The following NCOA2 variants were observed in gnomAD, a reference collection of about 807,000 sequenced individuals.
NCOA2 encodes nuclear receptor coactivator 2, also known as class E basic helix-loop-helix protein 75.
NCOA2 carries 21 observed loss-of-function variants against 145.1 expected under a neutral mutation model. The ratio of observed to expected loss-of-function variants is 0.14; its 90% CI spans 0.10 to 0.21. NCOA2 has a LOEUF of 0.21. Among genes scored for constraint, NCOA2 ranks in the 10% least tolerant of loss-of-function variants. NCOA2 has a pLI of 1.00. For missense variants in NCOA2, 1,472 were observed against 1,837.6 expected, an observed-to-expected ratio of 0.80 and a Z score of 3.64; for synonymous variants, 619 against 637.5, an observed-to-expected ratio of 0.97 and a Z score of 0.44.
intron 1 of NCOA2, among the ~76,000 whole-genome samples, chr8:70,323,093 A>T (rs1267598988): frequency 6.6e-6 from 1 of 152,216 alleles, no homozygotes; most frequent in Non-Finnish European, 1.5e-5. Flanking sequence ...ACGAATACGT[A>T]AACTACTCTG....
At position 70,402,879 on chromosome 8, in the gene NCOA2, G is replaced by A. The variant is rs545897988; in HGVS notation, c.-77+821C>T. 1.1e-3 allele frequency among the ~76,000 whole-genome samples: 147 copies of A among 139,242 alleles called. 1 individual carries two copies. In the East Asian group the frequency reaches 0.02, roughly 19 times the overall value. 91.3% of individuals were successfully genotyped at this position (139,242 alleles called of 152,430 possible). ...CGGCGCCGCCGGGGCCCGGCCCCCG[G>A]CTCCCCGCCCCCACCACGGCCCGGC... is the stretch of plus-strand genomic sequence containing the variant. On this transcript the variant is annotated intron_variant, in intron 1 of 22. Transcript: ENST00000452400.
chr8:70,319,952 G>GA (rs1805912956), intron 1 of NCOA2, among the ~76,000 whole-genome samples: 1 of 152,116 alleles, frequency 6.6e-6, no homozygotes, highest in East Asian at 1.9e-4. Context: ...TTAACTGTCC[G>GA]ATTTGTCAAA....
chr8:70,141,495 T>G, intron 13 of NCOA2, 96 bp from the exon 14 acceptor site: 2 of 1,156,854 alleles, frequency 1.7e-6, no homozygotes, highest in South Asian at 2.7e-5. Context: ...AAACAATCAT[T>G]CTGTAATTCA....
At chr8:70,166,827 TG>T in intron 6 of NCOA2, 73 bp from the exon 7 acceptor site, 4 of 1,334,464 alleles carry the variant, frequency 3.0e-6, no homozygotes, top group Non-Finnish European at 4.2e-6. Context: ...ATTATTAAAA[TG>T]ATGTAGGAAA....
the NCOA2 span, among the ~76,000 whole-genome samples, chr8:70,439,795 A>G: frequency 3.3e-5 from 5 of 152,148 alleles, no homozygotes; most frequent in Non-Finnish European, 7.4e-5. Flanking sequence ...TCAAGCCTGC[A>G]TGGACTCTAT....
intron 4 of NCOA2, among the ~76,000 whole-genome samples, chr8:70,207,779 C>T (rs976364291): frequency 7.1e-6 from 1 of 141,722 alleles, no homozygotes; most frequent in Admixed American, 7.6e-5. Flanking sequence ...AGAAGAACTG[C>T]TTGAACCTGG....
chr8:70,258,371 G>A lies in NCOA2; in HGVS notation c.-20+38373C>T, dbSNP rs78821560. On this transcript the variant is annotated intron_variant, in intron 2 of 22. Transcript: ENST00000452400. ...TCAGGATATCACCTTAGCTACTACC[G>A]TGCCCAACTTTCAAGCTCTCATAAA... is the stretch of plus-strand genomic sequence containing the variant. Among the ~76,000 whole-genome samples the A allele has an allele frequency of 2.7e-3, 408 of 152,168 alleles. 3 individuals carry two copies. The highest frequency in any genetic ancestry group is 9.1e-3 in the African/African-American group (377 of 41,512).
chr8:70,124,831 C>T lies in NCOA2; in HGVS notation c.3951G>A (p.Gly1317=), dbSNP rs771866825. 6 of 1,605,466 alleles carry T rather than the reference C, an allele frequency of 3.7e-6. No homozygotes were observed. Among genetic ancestry groups the T allele is most frequent in the Admixed American group, 1.7e-5 (1 of 57,788 alleles). ...ISQQPDPGFT[G]ATTPQSPLMS... ...TAAGTGGGCTCTGGGGAGTCGTAGCCCCAGTAAAGCCTGGATCAGGTTGCT... is the reference window on the plus strand; with the variant it reads ...TAAGTGGGCTCTGGGGAGTCGTAGCTCCAGTAAAGCCTGGATCAGGTTGCT... Residue 1317 remains glycine (G), a synonymous_variant, in exon 20 of 23, where the codon GGG becomes GGA. Transcript: ENST00000452400.
At chr8:70,379,747 A>G (rs987563625) in intron 1 of NCOA2, among the ~76,000 whole-genome samples, 8 of 152,110 alleles carry the variant, frequency 5.3e-5, no homozygotes, top group Non-Finnish European at 2.9e-5. Context: ...TAAAAATTTA[A>G]AAAATATATA....
chr8:70,269,102 A>G (rs751090056), intron 2 of NCOA2, among the ~76,000 whole-genome samples: 1 of 152,220 alleles, frequency 6.6e-6, no homozygotes, highest in African/African-American at 2.4e-5. Context: ...CAAGAATTTT[A>G]TATCAAAAAT....
At chr8:70,388,279 A>G (rs1164868441) in intron 1 of NCOA2, among the ~76,000 whole-genome samples, 1 of 152,222 alleles carries the variant, frequency 6.6e-6, no homozygotes, top group Non-Finnish European at 1.5e-5. Flanking sequence ...ATTATCATGC[A>G]GCTCTTATTA....
the NCOA2 span, among the ~76,000 whole-genome samples, chr8:70,419,292 T>C: frequency 6.6e-6 from 1 of 152,132 alleles, no homozygotes; most frequent in African/African-American, 2.4e-5. Context: ...AAAATGATGT[T>C]TTTTTAAATG....
rs932696162 is a variant in NCOA2 at position 70,111,766 on chromosome 8, T to C, written c.*1866A>G. 1.8e-5 allele frequency: 4 copies of C among 219,416 alleles called. No individual in the cohort carries two copies. The highest frequency in any genetic ancestry group is 1.7e-4 in the Admixed American group (3 of 17,270). The allele number at this position is 219,416 out of a possible 1,614,324, so 13.6% of individuals were successfully genotyped here. On this transcript the variant is annotated 3_prime_UTR_variant, in exon 23 of 23. Coordinates refer to ENST00000452400, the MANE Select transcript of NCOA2 (RefSeq NM_006540.4). The stretch of plus-strand genomic sequence containing the variant: ...AGATATAAGTATAAATAGGGGTAGT[T>C]TGTACATTTTTCACCCTGCCACAAA...
At chr8:70,313,560 T>A (rs1348218451) in intron 1 of NCOA2, among the ~76,000 whole-genome samples, 1 of 152,114 alleles carries the variant, frequency 6.6e-6, no homozygotes, top group Non-Finnish European at 1.5e-5. Context: ...TGGGCTCTAG[T>A]CTCAAACCTC....
At chr8:70,437,340 T>A in the NCOA2 span, among the ~76,000 whole-genome samples, 2 of 152,160 alleles carry the variant, frequency 1.3e-5, no homozygotes, top group African/African-American at 4.8e-5. Flanking sequence ...GATCATAAGC[T>A]CCACGGGGGC....
intron 1 of NCOA2, among the ~76,000 whole-genome samples, chr8:70,320,733 TA>T (rs902871361): frequency 1.1e-4 from 17 of 151,840 alleles, no homozygotes; most frequent in East Asian, 9.6e-4. Flanking sequence ...GATACTCTGT[TA>T]AAAAAAAGGT....
rs539638494 is a variant in NCOA2, at chr8:70,152,210, C to G, written c.2395-3727G>C. On this transcript the variant is annotated intron_variant, in intron 11 of 22. Transcript: ENST00000452400. ...AGTCAGAAAGATTTTTATAAAAGTT[C>G]TACAAAATGAAAATCAGACTTGATT... 7.2e-5 allele frequency among the ~76,000 whole-genome samples: 11 copies of G among 152,208 alleles called. No individual in the cohort carries two copies. The South Asian group carries it at 2.3e-3, about 32-fold the overall frequency.
chr8:70,270,294 T>C (rs956571870), intron 2 of NCOA2, among the ~76,000 whole-genome samples: 1 of 152,162 alleles, frequency 6.6e-6, no homozygotes, highest in Non-Finnish European at 1.5e-5. Flanking sequence ...TGGATTCATG[T>C]CCCAGCATGG....
chr8:70,416,248 A>G, the NCOA2 span, among the ~76,000 whole-genome samples: 1 of 149,008 alleles, frequency 6.7e-6, no homozygotes, highest in South Asian at 2.1e-4. Context: ...TTCAATGAGC[A>G]CTGCTGATTT....
Sources: allele counts gnomAD v4.1 joint callset (sites outside exome capture counted in the v4.1 genomes callset), GRCh38; gene constraint gnomAD v4.1.1; transcripts MANE v1.5; gene names NCBI Gene and HGNC (gene_info 2026-07-23, HGNC 2026-07-21).